Variants in SCFD2 observed in about 807,000 individuals in gnomAD.
SCFD2 encodes the protein sec1 family domain containing 2, also known as sec1 family domain-containing protein 2.
A neutral mutation model predicts 58.9 loss-of-function variants in SCFD2; 54 were observed. That is an observed-to-expected ratio of 0.92 (90% CI 0.74 to 1.15). The LOEUF (loss-of-function observed/expected upper bound fraction) is 1.15. Among genes scored for constraint, SCFD2 ranks in the 50% most tolerant of loss-of-function variants. SCFD2 has a pLI of 0.00. For synonymous variants in SCFD2, 321 were observed against 335.9 expected, an observed-to-expected ratio of 0.96 and a Z score of 0.49; for missense variants, 805 against 836.6, an observed-to-expected ratio of 0.96 and a Z score of 0.47.
intron 4 of SCFD2, among the ~76,000 whole-genome samples, chr4:53,185,595 T>C (rs59988424): frequency 6.2e-4 from 95 of 152,180 alleles, no homozygotes; most frequent in African/African-American, 2.2e-3. Context: ...GTATCAAATA[T>C]AATTTTTTAA....
chr4:53,213,504 T>G (rs1728692614), intron 4 of SCFD2, among the ~76,000 whole-genome samples: 1 of 152,118 alleles, frequency 6.6e-6, no homozygotes, highest in South Asian at 2.1e-4. Context: ...GTAAAAAGCC[T>G]CTTTTGTAAA....
intron 1 of SCFD2, among the ~76,000 whole-genome samples, chr4:53,360,544 C>G (rs1734521660): frequency 6.6e-6 from 1 of 152,196 alleles, no homozygotes. Context: ...TGGGCCCTGG[C>G]CATTCTGGCT....
chr4:53,207,502 T>TAAATATCTATATAA, intron 4 of SCFD2, among the ~76,000 whole-genome samples: 1 of 39,120 alleles, frequency 2.6e-5, no homozygotes, highest in African/African-American at 1.3e-4. Context: ...TTCATATATA[T>TAAATATCTATATAA]ATATTATATA....
At chr4:53,062,177 G>A (rs1452737968) in intron 5 of SCFD2, among the ~76,000 whole-genome samples, 2 of 151,812 alleles carry the variant, frequency 1.3e-5, no homozygotes, top group Non-Finnish European at 2.9e-5. Context: ...TTCAAGACCA[G>A]GCTGGCGAAC....
intron 4 of SCFD2, among the ~76,000 whole-genome samples, chr4:53,259,360 T>C (rs571738442): frequency 6.4e-4 from 98 of 152,362 alleles, no homozygotes; most frequent in African/African-American, 2.2e-3. Flanking sequence ...AGGTCATAGA[T>C]GTAAGTCTTT....
At chr4:53,172,785 A>G (rs1393910177) in intron 4 of SCFD2, among the ~76,000 whole-genome samples, 2 of 152,180 alleles carry the variant, frequency 1.3e-5, no homozygotes, top group Non-Finnish European at 2.9e-5. Flanking sequence ...AGAATATTTC[A>G]TGTGCAGTTG....
intron 5 of SCFD2, among the ~76,000 whole-genome samples, chr4:53,128,560 C>T (rs17082414): frequency 2.2e-4 from 34 of 151,902 alleles, no homozygotes; most frequent in African/African-American, 3.6e-4. Context: ...TGATTTCTCT[C>T]GGAGAGCTGT....
At chr4:53,129,110 G>T (rs1237226921) in intron 5 of SCFD2, among the ~76,000 whole-genome samples, 1 of 152,226 alleles carries the variant, frequency 6.6e-6, no homozygotes. Context: ...GGAAATGTAA[G>T]TTGCTAATGA....
intron 5 of SCFD2, among the ~76,000 whole-genome samples, chr4:53,094,659 T>C (rs1724566166): frequency 6.6e-6 from 1 of 152,070 alleles, no homozygotes; most frequent in Admixed American, 6.6e-5. Context: ...ATCAATTTCT[T>C]TAATCTCTGT....
chr4:53,054,901 A>T (rs1344011279), intron 5 of SCFD2, among the ~76,000 whole-genome samples: 1 of 152,132 alleles, frequency 6.6e-6, no homozygotes, highest in Non-Finnish European at 1.5e-5. Flanking sequence ...CAATCTGTCC[A>T]CTTCGGCCTC....
At chr4:53,324,409 C>A (rs1185771411) in intron 2 of SCFD2, among the ~76,000 whole-genome samples, 1 of 131,990 alleles carries the variant, frequency 7.6e-6, no homozygotes, top group Non-Finnish European at 1.6e-5. Flanking sequence ...CAGAGTGAGA[C>A]CCTGTCTCTC....
At chr4:52,970,280 G>C (rs1244393198) in intron 5 of SCFD2, among the ~76,000 whole-genome samples, 3 of 152,228 alleles carry the variant, frequency 2.0e-5, no homozygotes, top group Non-Finnish European at 4.4e-5. Flanking sequence ...AAAGAAAGGG[G>C]TGACAGACAG....
intron 3 of SCFD2, among the ~76,000 whole-genome samples, chr4:53,294,986 C>G (rs758517875): frequency 6.6e-5 from 10 of 152,216 alleles, no homozygotes; most frequent in Non-Finnish European, 8.8e-5. Flanking sequence ...CTGTTCTGTT[C>G]CATTGGTCTA....
intron 7 of SCFD2, among the ~76,000 whole-genome samples, chr4:52,900,140 T>C (rs1173564407): frequency 2.6e-5 from 4 of 152,188 alleles, no homozygotes; most frequent in African/African-American, 9.7e-5. Context: ...GCAGCCTTCC[T>C]CTCTCAACTC....
At chr4:53,320,124 A>G (rs1732983137) in intron 2 of SCFD2, among the ~76,000 whole-genome samples, 1 of 152,250 alleles carries the variant, frequency 6.6e-6, no homozygotes, top group Admixed American at 6.5e-5. Flanking sequence ...ACCCCATTTC[A>G]TAAGTGAAAA....
intron 5 of SCFD2, among the ~76,000 whole-genome samples, chr4:53,103,622 A>G (rs1263993935): frequency 6.7e-6 from 1 of 149,174 alleles, no homozygotes; most frequent in Non-Finnish European, 1.5e-5. Context: ...ACATTCCAGT[A>G]GCAATGAGCA....
chr4:52,960,709 G>GACAC (rs72290110), intron 5 of SCFD2, among the ~76,000 whole-genome samples: 4 of 149,776 alleles, frequency 2.7e-5, no homozygotes, highest in Non-Finnish European at 4.4e-5. Flanking sequence ...TTCTTTCTCT[G>GACAC]ACACACACAC....
At chr4:53,293,366 A>G in intron 3 of SCFD2, among the ~76,000 whole-genome samples, 1 of 151,942 alleles carries the variant, frequency 6.6e-6, no homozygotes, top group East Asian at 1.9e-4. Flanking sequence ...TGGGCATAAT[A>G]CCTAAGTGAT....
At chr4:53,213,070 G>A (rs376496391) in intron 4 of SCFD2, among the ~76,000 whole-genome samples, 4 of 151,988 alleles carry the variant, frequency 2.6e-5, no homozygotes, top group South Asian at 2.1e-4. Flanking sequence ...GTGTGTAAAC[G>A]CATCTGGTAC....
Sources: allele counts gnomAD v4.1 joint callset (sites outside exome capture counted in the v4.1 genomes callset), GRCh38; gene constraint gnomAD v4.1.1; transcripts MANE v1.5; gene names NCBI Gene and HGNC (gene_info 2026-07-23, HGNC 2026-07-21).